The following COQ8A variants were observed in gnomAD, a reference collection of about 807,000 sequenced individuals.
COQ8A encodes the protein coenzyme Q8A, also known as atypical kinase COQ8A, mitochondrial.
A neutral mutation model predicts 65.0 loss-of-function variants in COQ8A; 51 were observed. The ratio of observed to expected loss-of-function variants is 0.78; its 90% CI spans 0.63 to 0.99. COQ8A has a LOEUF of 0.99. COQ8A is among the 50% of genes least tolerant of loss of function. The pLI is 0.00. For synonymous variants in COQ8A, 371 were observed against 353.2 expected, an observed-to-expected ratio of 1.05 and a Z score of -0.57; for missense variants, 940 against 875.0, an observed-to-expected ratio of 1.07 and a Z score of -0.94.
chr1:226,943,044 A>T (rs886688481), intron 1 of COQ8A, among the ~76,000 whole-genome samples: 3 of 152,270 alleles, frequency 2.0e-5, no homozygotes, highest in South Asian at 4.1e-4. Context: ...TCCTGTGGGG[A>T]TGTATCAGGA....
chr1:226,964,402 A>C (rs1167423225), intron 2 of COQ8A, among the ~76,000 whole-genome samples: 1 of 152,166 alleles, frequency 6.6e-6, no homozygotes, highest in Non-Finnish European at 1.5e-5. Flanking sequence ...TCACAAAGAA[A>C]ACATGGCGTA....
At chr1:226,974,154 T>G (rs1659055390) in intron 4 of COQ8A, among the ~76,000 whole-genome samples, 1 of 152,146 alleles carries the variant, frequency 6.6e-6, no homozygotes, top group Non-Finnish European at 1.5e-5. Context: ...TAGAGGGACT[T>G]TTGGGAGGAT....
chr1:226,984,349 G>T, intron 11 of COQ8A, 114 bp downstream of exon 11: 1 of 1,510,596 alleles, frequency 6.6e-7, no homozygotes, highest in South Asian at 1.2e-5. Context: ...CTGGGGGTGA[G>T]GGGCAGTGAA....
chr1:226,957,414 G>T (rs1333597924), intron 1 of COQ8A, among the ~76,000 whole-genome samples: 1 of 152,056 alleles, frequency 6.6e-6, no homozygotes, highest in Non-Finnish European at 1.5e-5. Context: ...CTTCAGGACA[G>T]TGGGTCCTTG....
chr1:226,983,854 G>T lies in COQ8A; in HGVS notation c.1256G>T (p.Arg419Met), dbSNP rs546015164. The T allele has an allele frequency of 3.7e-6, 6 of 1,608,868 alleles. No individual in the cohort carries two copies. Residue 419 changes from arginine to methionine, a missense_variant and splice_region_variant, in exon 10 of 15, where the codon AGG becomes ATG. Transcript: ENST00000366777. ...GAGGCCGCCTGTGCCCGCAAGTTCA[G>T]GTGTGGCCCCCGGCCGGGCCCCTTG... ...QREAACARKF[R>M]DLLKGHPFFY...
In COQ8A at chr1:226,984,109, C is replaced by T. The variant is rs1659910167; in HGVS notation, c.1272C>T (p.Gly424=). 5 of 1,613,580 alleles carry T rather than the reference C, an allele frequency of 3.1e-6. No homozygotes were observed. The East Asian group carries it at 1.1e-4, about 36-fold the overall frequency. The change falls in exon 11 of 15, where the codon GGC becomes GGT. Residue 424 remains glycine (G), a synonymous_variant. Transcript: ENST00000366777. ...CARKFRDLLK[G]HPFFYVPEIV... is the part of the protein sequence containing the mutation. ...CCCTACCCAGGGACCTGCTGAAGGG[C>T]CACCCCTTCTTCTATGTGCCTGAGA...
Position 226,949,796 on chromosome 1 carries a change from C to G in COQ8A, c.-10+9397C>G, listed in dbSNP as rs1657263819. On this transcript the variant is annotated intron_variant, in intron 1 of 14. Transcript: ENST00000366777. This position sits in a 1 kb window ranked among gnomAD's most constrained non-coding sequence, Gnocchi z 4.0. ...GCATTAGCTAATGGTTTTTAAGCAC[C>G]TACTATATGTCCTGAATGCTGTTAC... is the stretch of plus-strand genomic sequence containing the variant. Among the ~76,000 whole-genome samples, 1 of 152,150 alleles carries G rather than the reference C, an allele frequency of 6.6e-6. No individual in the cohort carries two copies.
chr1:226,970,272 G>A (rs1169804307), intron 4 of COQ8A, among the ~76,000 whole-genome samples: 1 of 152,192 alleles, frequency 6.6e-6, no homozygotes, highest in African/African-American at 2.4e-5. Flanking sequence ...GTCTTAACAA[G>A]GATTCAGTCC....
In COQ8A at chr1:226,983,616, G is replaced by A; in HGVS notation, c.1145G>A (p.Ser382Asn). ...VNNLMAVLNM[S>N]NMLPEGLFPE... ...AACCTCATGGCCGTGTTGAACATGA[G>A]CAACATGCTTCCAGAAGGTCTGAGG... Residue 382 changes from serine (S) to asparagine (N), a missense_variant, in exon 9 of 15, where the codon AGC becomes AAC. Ser to Asn is a conservative substitution (Grantham distance 46). Transcript: ENST00000366777. 6.2e-7 allele frequency: 1 copy of A among 1,613,994 alleles called. No individual in the cohort carries two copies. The highest frequency in any genetic ancestry group is 8.5e-7 in the Non-Finnish European group (1 of 1,180,010).
Position 226,984,205 on chromosome 1 carries a change from C to A in COQ8A, c.1368C>A (p.Ala456=). 6.2e-7 allele frequency: 1 copy of A among 1,613,768 alleles called. No homozygotes were observed. The highest frequency in any genetic ancestry group is 8.5e-7 in the Non-Finnish European group (1 of 1,179,994). The change falls in exon 11 of 15, where the codon GCC becomes GCA. Residue 456 remains alanine (A), a synonymous_variant. Transcript: ENST00000366777. ...ELVSGFPLDQ[A]EGLSQEIRNE... ...TGTCTGGCTTCCCCCTGGACCAGGC[C>A]GAAGGGCTCAGCCAGGAGATTCGGA...
intron 6 of COQ8A, chr1:226,982,364 C>T: frequency 1.4e-6 from 1 of 710,018 alleles, no homozygotes. Flanking sequence ...AAATTGCTCT[C>T]TACAGGTGGT....
chr1:226,941,848 A>G (rs1031103009), intron 1 of COQ8A, among the ~76,000 whole-genome samples: 3 of 152,016 alleles, frequency 2.0e-5, no homozygotes, highest in African/African-American at 7.2e-5. Context: ...CGGACTATGC[A>G]GAATCGTAAT....
rs117544550 is a variant in COQ8A at position 226,951,834 on chromosome 1, G to A, written c.-9-9543G>A. On this transcript the variant is annotated intron_variant, in intron 1 of 14. Transcript: ENST00000366777. ...ACATATGTAAACGAATGAGCTATACGTAATCTATAAATGGGTGAGCAGGCT... is the reference window on the plus strand; with the variant it reads ...ACATATGTAAACGAATGAGCTATACATAATCTATAAATGGGTGAGCAGGCT... 8.7e-4 allele frequency among the ~76,000 whole-genome samples: 133 copies of A among 152,198 alleles called. 4 individuals are homozygous for A. In the East Asian group the frequency reaches 0.023, roughly 26 times the overall value.
In COQ8A at chr1:226,946,694, T is replaced by G. The variant is rs1160822422; in HGVS notation, c.-10+6295T>G. ...AAGCTATCGAGGTTTTACATACACATGTAGTGCCTAAGGGTTGTGTGTGAC... is the reference window on the plus strand; with the variant it reads ...AAGCTATCGAGGTTTTACATACACAGGTAGTGCCTAAGGGTTGTGTGTGAC... On this transcript the variant is annotated intron_variant, in intron 1 of 14. Transcript: ENST00000366777. The surrounding 1 kb of genome is among the most constrained non-coding windows in gnomAD (Gnocchi z 5.3). Among the ~76,000 whole-genome samples the G allele has an allele frequency of 6.6e-6, 1 of 152,222 alleles. No homozygotes were observed. The highest frequency in any genetic ancestry group is 1.9e-4 in the East Asian group (1 of 5,200).
At chr1:226,944,738 A>AAT (rs1257778845) in intron 1 of COQ8A, among the ~76,000 whole-genome samples, 2 of 12,684 alleles carry the variant, frequency 1.6e-4, no homozygotes, top group South Asian at 3.9e-3. Flanking sequence ...AGAGAGAGAG[A>AAT]GAGAGAGAGA....
chr1:226,982,405 T>G (rs1251749735), intron 6 of COQ8A: 1 of 643,402 alleles, frequency 1.6e-6, no homozygotes. Flanking sequence ...CATTTTACTA[T>G]GTTTTATTTT....
chr1:226,966,404 A>G (rs564061325), intron 4 of COQ8A, among the ~76,000 whole-genome samples: 1 of 152,344 alleles, frequency 6.6e-6, no homozygotes, highest in Non-Finnish European at 1.5e-5. Context: ...CATGTTTGTC[A>G]TGCTGCTGCT....
chr1:226,944,692 TGAGAGAGA>T (rs1174520293), intron 1 of COQ8A, among the ~76,000 whole-genome samples: 17 of 86,718 alleles, frequency 2.0e-4, no homozygotes, highest in South Asian at 1.3e-3. Flanking sequence ...AGTTGTACCC[TGAGAGAGA>T]GAGAGAGAGA....
chr1:226,958,712 C>G (rs989236115), intron 1 of COQ8A, among the ~76,000 whole-genome samples: 2 of 152,192 alleles, frequency 1.3e-5, no homozygotes, highest in African/African-American at 4.8e-5. Flanking sequence ...ACTGCTTTAT[C>G]ATTTATGGTC....
Sources: gnomAD v4.1 joint callset for allele counts (sites outside exome capture counted in the v4.1 genomes callset) on GRCh38, gnomAD v4.1.1 for gene constraint, Gnocchi (gnomAD v3.1) non-coding constraint, MANE v1.5 for transcripts, NCBI Gene and HGNC (gene_info 2026-07-23, HGNC 2026-07-21) for gene names.